Variants in MGAT4C observed in about 807,000 individuals in gnomAD.
MGAT4C encodes the protein alpha-1,3-mannosyl-glycoprotein 4-beta-N-acetylglucosaminyltransferase C.
A neutral mutation model predicts 40.1 loss-of-function variants in MGAT4C; 19 were observed. The observed-to-expected ratio is 0.47, with a 90% CI of 0.33 to 0.70. The LOEUF is 0.70. MGAT4C is among the 30% of genes least tolerant of loss of function. MGAT4C has a pLI of 0.02. For synonymous variants in MGAT4C, 181 were observed against 187.1 expected (o/e 0.97, Z 0.27); for missense variants, 491 against 563.2 (o/e 0.87, Z 1.30).
intron 3 of MGAT4C, among the ~76,000 whole-genome samples, chr12:86,425,117 A>T (rs1956901565): frequency 6.6e-6 from 1 of 152,100 alleles, no homozygotes; most frequent in South Asian, 2.1e-4. Context: ...TCCCATACTC[A>T]TTAAGTGATA....
chr12:86,035,717 A>C lies in MGAT4C; in HGVS notation c.-7+13957T>G, dbSNP rs895777156. Among the ~76,000 whole-genome samples, 12 of 149,854 alleles carry C rather than the reference A, an allele frequency of 8.0e-5. 2 individuals are homozygous for C. The highest frequency in any genetic ancestry group is 7.3e-4 in the Admixed American group (11 of 14,966). Reference sequence around the variant, plus strand: ...GGGTTTTTATTGTTTTAAGTCTTATATTTAAATCTTTAGTCCATCTTGGGT... The same window carrying C: ...GGGTTTTTATTGTTTTAAGTCTTATCTTTAAATCTTTAGTCCATCTTGGGT... On this transcript the variant is annotated intron_variant, in intron 2 of 4. Coordinates refer to ENST00000611864, the MANE Select transcript of MGAT4C (RefSeq NM_001351288.2).
rs182031057 is a variant in MGAT4C, at chr12:86,528,122, T to C, written c.-228-92857A>G. On this transcript the variant is annotated intron_variant, in intron 2 of 7. Transcript: ENST00000548651. ...CATAATATAATTTCATTTCATTTTC[T>C]ATAAAACATTAACTTTCTAGGAGAA... is the stretch of plus-strand genomic sequence containing the variant. Among the ~76,000 whole-genome samples, 9 of 152,282 alleles carry C rather than the reference T, an allele frequency of 5.9e-5. No individual in the cohort carries two copies. The East Asian group carries it at 1.3e-3, about 23-fold the overall frequency.
At chr12:86,596,708 C>A (rs1300660191) in intron 2 of MGAT4C, among the ~76,000 whole-genome samples, 1 of 152,062 alleles carries the variant, frequency 6.6e-6, no homozygotes, top group Non-Finnish European at 1.5e-5. Flanking sequence ...CATTGAAGAA[C>A]AGAATATATC....
chr12:86,538,859 G>C (rs541159189), intron 2 of MGAT4C, among the ~76,000 whole-genome samples: 1 of 151,834 alleles, frequency 6.6e-6, no homozygotes, highest in Non-Finnish European at 1.5e-5. Flanking sequence ...TGCCCGCCTC[G>C]GTCTCCCAAA....
chr12:86,787,084 G>A (rs1416814998), intron 1 of MGAT4C, among the ~76,000 whole-genome samples: 4 of 151,970 alleles, frequency 2.6e-5, no homozygotes, highest in African/African-American at 9.7e-5. Flanking sequence ...TAAAGTTTGG[G>A]CTTTCAGTGC....
At chr12:86,303,462 T>C in intron 4 of MGAT4C, among the ~76,000 whole-genome samples, 1 of 150,306 alleles carries the variant, frequency 6.7e-6, no homozygotes, top group Admixed American at 6.6e-5. Context: ...AAAATTCTAT[T>C]AATATCTCTT....
chr12:86,081,111 T>C (rs765966584), intron 1 of MGAT4C, among the ~76,000 whole-genome samples: 1 of 152,124 alleles, frequency 6.6e-6, no homozygotes, highest in Non-Finnish European at 1.5e-5. Context: ...TAACATAGTT[T>C]TAGCATTCCA....
chr12:86,774,365 T>TCC (rs1555227850), intron 1 of MGAT4C, among the ~76,000 whole-genome samples: 1 of 40,642 alleles, frequency 2.5e-5, no homozygotes, highest in Non-Finnish European at 6.6e-5. Flanking sequence ...CCTCTCTCTC[T>TCC]CTCTCTTTCT....
chr12:86,388,501 T>C (rs1433388464), intron 3 of MGAT4C, among the ~76,000 whole-genome samples: 1 of 152,054 alleles, frequency 6.6e-6, no homozygotes, highest in Non-Finnish European at 1.5e-5. Context: ...AAAGCATTTC[T>C]TGGATATTGA....
At chr12:86,710,363 G>A (rs1003283194) in intron 2 of MGAT4C, among the ~76,000 whole-genome samples, 14 of 152,068 alleles carry the variant, frequency 9.2e-5, no homozygotes, top group Non-Finnish European at 2.1e-4. Context: ...CCACTTCCAG[G>A]GATATGAGTT....
At chr12:86,152,149 T>C (rs191615412) in intron 1 of MGAT4C, among the ~76,000 whole-genome samples, 77 of 152,342 alleles carry the variant, frequency 5.1e-4, no homozygotes, top group Non-Finnish European at 2.5e-4. Context: ...CCCTGTAATT[T>C]TTCCTCAGGC....
intron 1 of MGAT4C, among the ~76,000 whole-genome samples, chr12:86,237,847 T>C (rs928857242): frequency 6.6e-6 from 1 of 151,936 alleles, no homozygotes; most frequent in Non-Finnish European, 1.5e-5. Flanking sequence ...TATCTTGCGA[T>C]CTTGAAGGAA....
intron 2 of MGAT4C, among the ~76,000 whole-genome samples, chr12:86,643,408 T>A (rs1199859432): frequency 2.0e-5 from 3 of 151,838 alleles, no homozygotes; most frequent in Non-Finnish European, 4.4e-5. Context: ...CATAACCACA[T>A]TGTTCATAAT....
chr12:86,577,415 C>T (rs1047741937), intron 2 of MGAT4C, among the ~76,000 whole-genome samples: 3 of 151,626 alleles, frequency 2.0e-5, no homozygotes, highest in African/African-American at 7.3e-5. Flanking sequence ...CAGTTTTTCC[C>T]CTTTCAGTAT....
intron 1 of MGAT4C, among the ~76,000 whole-genome samples, chr12:86,104,829 A>T (rs1025852051): frequency 6.7e-6 from 1 of 149,986 alleles, no homozygotes; most frequent in South Asian, 2.1e-4. Flanking sequence ...CACTTAGGTA[A>T]CATATTAAAT....
At chr12:86,638,122 A>T (rs1447068592) in intron 2 of MGAT4C, among the ~76,000 whole-genome samples, 1 of 56,424 alleles carries the variant, frequency 1.8e-5, no homozygotes. Flanking sequence ...TCTAACAAAA[A>T]AATCAAATGT....
chr12:86,142,912 G>A (rs1451116415), intron 1 of MGAT4C, among the ~76,000 whole-genome samples: 6 of 152,072 alleles, frequency 3.9e-5, no homozygotes, highest in Non-Finnish European at 5.9e-5. Context: ...GGTCAGAAAT[G>A]TGGGGACCTC....
chr12:86,378,820 A>G (rs1955877857), intron 3 of MGAT4C, among the ~76,000 whole-genome samples: 1 of 152,120 alleles, frequency 6.6e-6, no homozygotes. Flanking sequence ...GTTGCAAGGT[A>G]ACAGTCTTAA....
intron 2 of MGAT4C, among the ~76,000 whole-genome samples, chr12:86,630,920 A>G (rs1158250731): frequency 2.0e-5 from 3 of 152,156 alleles, no homozygotes; most frequent in Non-Finnish European, 4.4e-5. Flanking sequence ...CAGGCAAGAG[A>G]AAGAAATAAA....
Sources: gnomAD v4.1 joint callset for allele counts (sites outside exome capture counted in the v4.1 genomes callset) on GRCh38, gnomAD v4.1.1 for gene constraint, MANE v1.5 for transcripts, NCBI Gene and HGNC (gene_info 2026-07-23, HGNC 2026-07-21) for gene names.